The following SAMHD1 variants were observed in gnomAD, a reference collection of about 807,000 sequenced individuals.
SAMHD1 encodes SAM and HD domain containing deoxynucleoside triphosphate triphosphohydrolase 1.
In SAMHD1, 54 loss-of-function variants were observed where a neutral mutation model predicts 79.6. The observed-to-expected ratio is 0.68, with a 90% confidence interval of 0.55 to 0.85. The LOEUF is 0.85. Among genes scored for constraint, SAMHD1 ranks in the 40% least tolerant of loss-of-function variants. The probability of loss-of-function intolerance (pLI) is 0.00; values close to 1 mark genes in which losing one functional copy is unlikely to be tolerated. For missense variants in SAMHD1, 663 were observed against 782.7 expected, an observed-to-expected ratio of 0.85 and a Z score of 1.82; for synonymous variants, 260 against 264.1, an observed-to-expected ratio of 0.98 and a Z score of 0.15.
intron 4 of SAMHD1, among the ~76,000 whole-genome samples, chr20:36,934,274 C>G (rs1318880151): frequency 6.6e-6 from 1 of 150,804 alleles, no homozygotes; most frequent in Non-Finnish European, 1.5e-5. Flanking sequence ...ACCTGTAATC[C>G]CAGTACTTTG....
intron 6 of SAMHD1, among the ~76,000 whole-genome samples, chr20:36,924,269 G>A (rs541013111): frequency 6.7e-6 from 1 of 150,258 alleles, no homozygotes; most frequent in East Asian, 2.0e-4. Context: ...GGAGGGGAAA[G>A]GAGGGAAGGG....
chr20:36,906,909 A>T (rs2063408311), intron 11 of SAMHD1, among the ~76,000 whole-genome samples: 1 of 151,652 alleles, frequency 6.6e-6, no homozygotes, highest in African/African-American at 2.4e-5. Context: ...CTCGTGCCTC[A>T]GCCTCCTGAG....
intron 6 of SAMHD1, among the ~76,000 whole-genome samples, chr20:36,919,979 T>C (rs992151649): frequency 6.6e-6 from 1 of 152,182 alleles, no homozygotes; most frequent in African/African-American, 2.4e-5. Context: ...ATTGGCCTGT[T>C]TGCTCATCTC....
intron 4 of SAMHD1, among the ~76,000 whole-genome samples, chr20:36,933,250 A>T (rs1382628591): frequency 6.6e-6 from 1 of 151,818 alleles, no homozygotes; most frequent in African/African-American, 2.4e-5. Flanking sequence ...TTCCCTGTCC[A>T]CTTCCTCCTG....
At chr20:36,921,404 A>C (rs2063503494) in intron 6 of SAMHD1, among the ~76,000 whole-genome samples, 1 of 151,504 alleles carries the variant, frequency 6.6e-6, no homozygotes, top group South Asian at 2.1e-4. Flanking sequence ...AAAAAAAAAA[A>C]AAAAAAAACG....
intron 13 of SAMHD1, among the ~76,000 whole-genome samples, chr20:36,903,798 A>C (rs796147927): frequency 6.9e-6 from 1 of 145,156 alleles, no homozygotes; most frequent in Non-Finnish European, 1.5e-5. Context: ...TGATCCACCC[A>C]CCTCTGCCTC....
chr20:36,910,223 A>AG (rs2063429573), intron 11 of SAMHD1, among the ~76,000 whole-genome samples: 2 of 22,672 alleles, frequency 8.8e-5, no homozygotes, highest in South Asian at 2.3e-3. Flanking sequence ...ACTCCGTATC[A>AG]AAAAAAAAAA....
chr20:36,907,977 T>C lies in SAMHD1; in HGVS notation c.1271-2474A>G, dbSNP rs572493905. 7.9e-5 allele frequency among the ~76,000 whole-genome samples: 12 copies of C among 151,982 alleles called. No individual in the cohort carries two copies. In the South Asian group the frequency reaches 2.5e-3, roughly 32 times the overall value. On this transcript the variant is annotated intron_variant, in intron 11 of 15. Coordinates refer to ENST00000646673, the MANE Select transcript of SAMHD1 (RefSeq NM_015474.4). ...TGCAGCCTCCGCCTCCTGGGTTCAA[T>C]TGATTCTCGTGCCTCAGTCTCCGAG...
intron 13 of SAMHD1, chr20:36,903,844 C>T: frequency 4.1e-6 from 1 of 246,482 alleles, no homozygotes; most frequent in Non-Finnish European, 8.0e-6. Flanking sequence ...AGCCACCGTG[C>T]CTGGCCCCAC....
intron 9 of SAMHD1, 27 bp from the exon 10 acceptor site, chr20:36,912,579 A>G: frequency 6.9e-7 from 1 of 1,452,130 alleles, no homozygotes; most frequent in East Asian, 2.3e-5. Context: ...AGTAAATATT[A>G]ATAGGATCAG....
At chr20:36,924,856 T>C (rs2063527170) in intron 6 of SAMHD1, among the ~76,000 whole-genome samples, 1 of 151,982 alleles carries the variant, frequency 6.6e-6, no homozygotes, top group Non-Finnish European at 1.5e-5. Context: ...TAGGATGAAC[T>C]ATTAAAAAAT....
chr20:36,943,359 T>C (rs777723211), intron 2 of SAMHD1, among the ~76,000 whole-genome samples: 7 of 152,206 alleles, frequency 4.6e-5, no homozygotes, highest in Non-Finnish European at 1.0e-4. Context: ...ACTTGAAATA[T>C]GGCTAGTGTA....
intron 1 of SAMHD1, among the ~76,000 whole-genome samples, chr20:36,949,766 A>G (rs2146157825): frequency 6.6e-6 from 1 of 151,064 alleles, no homozygotes; most frequent in South Asian, 2.1e-4. Flanking sequence ...AAAAAAAAAA[A>G]AAAAAAAAAA....
At chr20:36,942,462 T>G (rs919424848) in intron 2 of SAMHD1, among the ~76,000 whole-genome samples, 1 of 152,038 alleles carries the variant, frequency 6.6e-6, no homozygotes, top group Non-Finnish European at 1.5e-5. Context: ...TTAGAGTATA[T>G]AAAACCACCC....
chr20:36,924,502 G>T (rs2063525430), intron 6 of SAMHD1, among the ~76,000 whole-genome samples: 1 of 152,136 alleles, frequency 6.6e-6, no homozygotes, highest in African/African-American at 2.4e-5. Context: ...TTGTTAGTCA[G>T]GAATGTTCAC....
intron 6 of SAMHD1, among the ~76,000 whole-genome samples, chr20:36,922,796 C>T (rs751264322): frequency 7.9e-5 from 12 of 151,904 alleles, no homozygotes; most frequent in Non-Finnish European, 1.8e-4. Context: ...AATCCTGCCA[C>T]CCCACCATGC....
intron 3 of SAMHD1, among the ~76,000 whole-genome samples, chr20:36,935,957 T>C (rs952497305): frequency 6.6e-6 from 1 of 151,812 alleles, no homozygotes; most frequent in Non-Finnish European, 1.5e-5. Flanking sequence ...GAAAGAAAGA[T>C]GGAAATTCCT....
intron 3 of SAMHD1, 78 bp from the exon 4 acceptor site, chr20:36,935,267 T>C (rs2063596028): frequency 9.6e-6 from 11 of 1,145,060 alleles, no homozygotes; most frequent in Non-Finnish European, 1.2e-5. Flanking sequence ...TTCCTAATTA[T>C]AGTGCAAAGT....
chr20:36,930,686 G>C, intron 5 of SAMHD1, 74 bp downstream of exon 5: 1 of 1,014,432 alleles, frequency 9.9e-7, no homozygotes, highest in Non-Finnish European at 1.6e-6. Context: ...TGGTTGATCT[G>C]ATTTTTTAAC....
Sources: allele counts gnomAD v4.1 joint callset (sites outside exome capture counted in the v4.1 genomes callset), GRCh38; gene constraint gnomAD v4.1.1; transcripts MANE v1.5; gene names NCBI Gene and HGNC (gene_info 2026-07-23, HGNC 2026-07-21).